FRMPD4: variants seen among roughly 807,000 people sequenced by gnomAD.
FRMPD4 encodes the protein FERM and PDZ domain containing 4, also known as FERM and PDZ domain-containing protein 4.
A neutral mutation model predicts 94.1 loss-of-function variants in FRMPD4; 22 were observed. The ratio of observed to expected loss-of-function variants is 0.23; its 90% CI spans 0.17 to 0.33. The LOEUF (loss-of-function observed/expected upper bound fraction) is 0.33. Among genes scored for constraint, FRMPD4 ranks in the 10% least tolerant of loss-of-function variants. FRMPD4 has a pLI of 1.00. For missense variants in FRMPD4, 1,111 were observed against 1,339.9 expected, an observed-to-expected ratio of 0.83 and a Z score of 2.67; for synonymous variants, 631 against 548.6, an observed-to-expected ratio of 1.15 and a Z score of -2.10.
At chrX:12,405,819 A>G (rs2056659918) in intron 1 of FRMPD4, among the ~76,000 whole-genome samples, 1 of 111,428 alleles carries the variant, frequency 9.0e-6, no homozygotes. Context: ...CTCAGGGACA[A>G]TGGGGCAGGT....
intron 1 of FRMPD4, among the ~76,000 whole-genome samples, chrX:12,430,840 G>A (rs182219950): frequency 1.2e-3 from 139 of 111,997 alleles, no homozygotes; most frequent in African/African-American, 4.4e-3. Context: ...ATGTAATTTT[G>A]TCTCTAGGTA....
At chrX:12,198,048 C>T (rs1015160933) in intron 1 of FRMPD4, among the ~76,000 whole-genome samples, 4 of 111,901 alleles carry the variant, frequency 3.6e-5, no homozygotes, top group African/African-American at 9.7e-5. Flanking sequence ...GCCATATTCT[C>T]TTAAATAATG....
intron 9 of FRMPD4, among the ~76,000 whole-genome samples, chrX:12,694,703 TACC>T (rs1007210863): frequency 3.7e-4 from 42 of 112,327 alleles, no homozygotes; most frequent in African/African-American, 1.3e-3. Flanking sequence ...GTTAACATTT[TACC>T]ACATTTACTT....
chrX:12,170,832 A>G (rs1034878502), intron 1 of FRMPD4, among the ~76,000 whole-genome samples: 3 of 113,072 alleles, frequency 2.7e-5, no homozygotes, highest in Middle Eastern at 4.6e-3. Flanking sequence ...TGTACATAAC[A>G]TAAATGGCCT....
intron 1 of FRMPD4, among the ~76,000 whole-genome samples, chrX:12,265,075 C>T (rs189248754): frequency 2.9e-4 from 32 of 111,978 alleles, no homozygotes; most frequent in Admixed American, 2.3e-3. Context: ...ACCTGTGTTT[C>T]GGTTTCAGCC....
At chrX:12,084,557 G>A (rs923050084) in intron 3 of FRMPD4, among the ~76,000 whole-genome samples, 3 of 112,063 alleles carry the variant, frequency 2.7e-5, no homozygotes, top group Non-Finnish European at 3.8e-5. Context: ...TCTTATTTCT[G>A]ATTATCAAAA....
intron 3 of FRMPD4, among the ~76,000 whole-genome samples, chrX:12,111,390 C>T (rs1295801927): frequency 2.7e-5 from 3 of 111,536 alleles, no homozygotes; most frequent in Non-Finnish European, 1.9e-5. Context: ...AAACTGGATC[C>T]CTTCCTTACA....
intron 4 of FRMPD4, among the ~76,000 whole-genome samples, chrX:12,629,842 C>G (rs2059379759): frequency 8.9e-6 from 1 of 112,349 alleles, no homozygotes; most frequent in Admixed American, 9.5e-5. Context: ...GCTGTCATTA[C>G]TGCTCTGGAA....
At chrX:12,642,587 T>C (rs771732791) in intron 4 of FRMPD4, among the ~76,000 whole-genome samples, 3 of 112,870 alleles carry the variant, frequency 2.7e-5, no homozygotes, top group South Asian at 7.3e-4. Context: ...ACTACCTGTT[T>C]GTGTAAATCA....
intron 5 of FRMPD4, among the ~76,000 whole-genome samples, chrX:12,679,738 G>A (rs999853424): frequency 3.6e-5 from 4 of 112,119 alleles, no homozygotes; most frequent in African/African-American, 9.7e-5. Flanking sequence ...TCCTCAGACA[G>A]TATAACTCTG....
At chrX:12,160,632 T>C (rs2056009810) in intron 1 of FRMPD4, among the ~76,000 whole-genome samples, 1 of 111,878 alleles carries the variant, frequency 8.9e-6, no homozygotes, top group Non-Finnish European at 1.9e-5. Flanking sequence ...ACTCCTTTAA[T>C]ATATATGAAG....
chrX:12,244,569 A>G (rs770204435), intron 1 of FRMPD4, among the ~76,000 whole-genome samples: 2 of 112,080 alleles, frequency 1.8e-5, no homozygotes, highest in African/African-American at 3.2e-5. Context: ...TTGCCAGGCC[A>G]GGGAGGGAGT....
chrX:12,128,598 A>G (rs2055521477), intron 3 of FRMPD4, among the ~76,000 whole-genome samples: 1 of 112,452 alleles, frequency 8.9e-6, no homozygotes, highest in African/African-American at 3.2e-5. Context: ...CTCATTACTT[A>G]TGTAAATTTC....
chrX:12,622,015 A>AAAGGAAGGAAGG lies in FRMPD4; in HGVS notation c.422+7169_422+7180dup. The stretch of plus-strand genomic sequence containing the variant: ...GAAAGAAAGAAAGAAAGAAAGAAAG[A>AAAGGAAGGAAGG]AAGGAAGGAAGGAAGGAAGGAAGGA... On this transcript the variant is annotated intron_variant, in intron 4 of 16. Transcript: ENST00000675598. Among the ~76,000 whole-genome samples the AAAGGAAGGAAGG allele has an allele frequency of 4.2e-3, 93 of 21,999 alleles. 4 individuals carry two copies. The highest frequency in any genetic ancestry group is 7.6e-3 in the East Asian group (6 of 792). 19.1% of individuals were successfully genotyped at this position (21,999 alleles called of 115,157 possible).
chrX:12,199,174 C>T (rs1306262801), intron 1 of FRMPD4, among the ~76,000 whole-genome samples: 1 of 109,836 alleles, frequency 9.1e-6, no homozygotes, highest in African/African-American at 3.3e-5. Flanking sequence ...TATTCCAAGC[C>T]AAGTTTTTCA....
chrX:11,864,558 G>T (rs1263373997), intron 1 of FRMPD4, among the ~76,000 whole-genome samples: 1 of 111,765 alleles, frequency 8.9e-6, no homozygotes, highest in East Asian at 2.8e-4. Context: ...GGGTTATTTA[G>T]CAAACTGAAA....
intron 1 of FRMPD4, among the ~76,000 whole-genome samples, chrX:12,218,441 G>A (rs907108391): frequency 1.8e-5 from 2 of 111,614 alleles, no homozygotes; most frequent in South Asian, 7.5e-4. Flanking sequence ...AGGGGTGAAT[G>A]TTCCTCAAAG....
chrX:12,524,640 T>C (rs2058201345), intron 2 of FRMPD4, among the ~76,000 whole-genome samples: 1 of 111,611 alleles, frequency 9.0e-6, no homozygotes, highest in Non-Finnish European at 1.9e-5. Context: ...TGATGTGTAG[T>C]GTCCTTTTCT....
At chrX:12,324,243 A>G (rs948413367) in intron 1 of FRMPD4, among the ~76,000 whole-genome samples, 1 of 112,235 alleles carries the variant, frequency 8.9e-6, no homozygotes, top group African/African-American at 3.2e-5. Flanking sequence ...ACCTTTTTCC[A>G]AGGAACTGAA....
Sources: gnomAD v4.1 joint callset for allele counts (sites outside exome capture counted in the v4.1 genomes callset) on GRCh38, gnomAD v4.1.1 for gene constraint, MANE v1.5 for transcripts, NCBI Gene and HGNC (gene_info 2026-07-23, HGNC 2026-07-21) for gene names.